The following IL1RAPL1 variants were observed in gnomAD, a reference collection of about 807,000 sequenced individuals.
The protein encoded by IL1RAPL1 is interleukin-1 receptor accessory protein-like 1.
A neutral mutation model predicts 48.4 loss-of-function variants in IL1RAPL1; 3 were observed. The observed-to-expected ratio is 0.06, with a 90% confidence interval of 0.03 to 0.16. The LOEUF (loss-of-function observed/expected upper bound fraction) is 0.16, where lower values mean the gene tolerates loss of function less well. Among genes scored for constraint, IL1RAPL1 ranks in the 10% least tolerant of loss-of-function variants. IL1RAPL1 has a pLI of 1.00. For synonymous variants in IL1RAPL1, 185 were observed against 187.7 expected (o/e 0.99, Z 0.12); for missense variants, 349 against 530.6 (o/e 0.66, Z 3.36).
At chrX:29,831,181 A>G (rs1308716258) in intron 6 of IL1RAPL1, among the ~76,000 whole-genome samples, 1 of 111,803 alleles carries the variant, frequency 8.9e-6, no homozygotes, top group Non-Finnish European at 1.9e-5. Context: ...TGCTTCTGCT[A>G]AGGTATTGTG....
intron 1 of IL1RAPL1, among the ~76,000 whole-genome samples, chrX:28,714,842 C>G (rs1387107861): frequency 8.9e-6 from 1 of 111,754 alleles, no homozygotes; most frequent in African/African-American, 3.3e-5. Flanking sequence ...TGTGCATGGT[C>G]CTTTCCATGG....
rs1420572597 is a variant in IL1RAPL1, at chrX:29,938,966, TTCA to T, written c.1058-2680_1058-2678del. Among the ~76,000 whole-genome samples the T allele has an allele frequency of 2.7e-5, 3 of 112,592 alleles. No individual in the cohort carries two copies. The East Asian group carries it at 8.4e-4, about 31-fold the overall frequency. ...TATCATATGAACATACAATAGTTTGTTCATCATTTCCTGTTAATGGACATTTAA... is the reference window on the plus strand; with the variant it reads ...TATCATATGAACATACAATAGTTTGTTCATTTCCTGTTAATGGACATTTAA... On this transcript the variant is annotated intron_variant, in intron 8 of 10. Transcript: ENST00000378993.
intron 2 of IL1RAPL1, among the ~76,000 whole-genome samples, chrX:29,261,166 A>G (rs952552243): frequency 2.7e-5 from 3 of 109,940 alleles, no homozygotes; most frequent in African/African-American, 9.9e-5. Context: ...TCCAACTTGA[A>G]GTCGACTTTC....
At chrX:29,566,773 C>T (rs1388341841) in intron 5 of IL1RAPL1, among the ~76,000 whole-genome samples, 1 of 111,886 alleles carries the variant, frequency 8.9e-6, no homozygotes, top group Non-Finnish European at 1.9e-5. Context: ...AATATTATTT[C>T]TTTTTTATGT....
At chrX:29,536,004 G>C (rs753408822) in intron 5 of IL1RAPL1, among the ~76,000 whole-genome samples, 1 of 111,897 alleles carries the variant, frequency 8.9e-6, no homozygotes, top group Non-Finnish European at 1.9e-5. Context: ...AGTTGTATAA[G>C]AGCACAACCT....
At chrX:28,985,611 TAAC>T (rs1396713443) in intron 2 of IL1RAPL1, among the ~76,000 whole-genome samples, 1 of 111,997 alleles carries the variant, frequency 8.9e-6, no homozygotes, top group Non-Finnish European at 1.9e-5. Flanking sequence ...GAATACCAAT[TAAC>T]AATTCAGTAT....
intron 5 of IL1RAPL1, among the ~76,000 whole-genome samples, chrX:29,400,011 CTCTTT>C (rs1169739237): frequency 9.0e-6 from 1 of 111,529 alleles, no homozygotes; most frequent in Non-Finnish European, 1.9e-5. Context: ...AGTCGCTTTT[CTCTTT>C]TATTTATTTA....
At chrX:29,835,933 G>T (rs1413690231) in intron 6 of IL1RAPL1, among the ~76,000 whole-genome samples, 11 of 63,665 alleles carry the variant, frequency 1.7e-4, no homozygotes, top group African/African-American at 5.6e-4. Flanking sequence ...TGTTGATTTT[G>T]CTTCTCTTAT....
chrX:28,750,550 T>C (rs1003609188), intron 1 of IL1RAPL1, among the ~76,000 whole-genome samples: 2 of 111,930 alleles, frequency 1.8e-5, no homozygotes, highest in Middle Eastern at 4.2e-3. Flanking sequence ...GTTATATTTA[T>C]ATCATATTTG....
At chrX:29,862,466 C>T (rs113022991) in intron 6 of IL1RAPL1, among the ~76,000 whole-genome samples, 32 of 110,693 alleles carry the variant, frequency 2.9e-4, no homozygotes, top group Non-Finnish European at 4.2e-4. Context: ...ATGCTGAGCT[C>T]GGCAGAAAGT....
At chrX:29,837,108 A>G (rs917828127) in intron 6 of IL1RAPL1, among the ~76,000 whole-genome samples, 2 of 106,518 alleles carry the variant, frequency 1.9e-5, no homozygotes, top group African/African-American at 3.4e-5. Flanking sequence ...AAATACAAAA[A>G]CAAAATTAGC....
intron 5 of IL1RAPL1, among the ~76,000 whole-genome samples, chrX:29,459,274 C>T (rs967079058): frequency 7.2e-5 from 8 of 111,723 alleles, no homozygotes; most frequent in African/African-American, 2.3e-4. Flanking sequence ...CTGAGCATTT[C>T]GTTATGGCAG....
intron 5 of IL1RAPL1, among the ~76,000 whole-genome samples, chrX:29,594,048 G>A (rs762949606): frequency 2.4e-4 from 27 of 112,476 alleles, no homozygotes; most frequent in African/African-American, 8.1e-4. Flanking sequence ...GGCAGCAATC[G>A]TTGTGAACTT....
At chrX:28,955,821 G>T (rs1228580152) in intron 2 of IL1RAPL1, among the ~76,000 whole-genome samples, 4 of 69,841 alleles carry the variant, frequency 5.7e-5, no homozygotes. Flanking sequence ...GTGAAGAAAG[G>T]CATTGGTAGC....
At chrX:29,245,452 T>C (rs754846469) in intron 2 of IL1RAPL1, among the ~76,000 whole-genome samples, 6 of 111,951 alleles carry the variant, frequency 5.4e-5, no homozygotes, top group African/African-American at 1.9e-4. Context: ...TTCCTGACTT[T>C]TTAATGATCA....
At chrX:28,943,281 TAG>T (rs773041389) in intron 2 of IL1RAPL1, among the ~76,000 whole-genome samples, 1 of 109,127 alleles carries the variant, frequency 9.2e-6, no homozygotes, top group South Asian at 3.9e-4. Context: ...GGCAGGGGGA[TAG>T]AGAGACAGAA....
At chrX:29,204,609 T>G (rs1930626502) in intron 2 of IL1RAPL1, among the ~76,000 whole-genome samples, 1 of 112,205 alleles carries the variant, frequency 8.9e-6, no homozygotes, top group Non-Finnish European at 1.9e-5. Flanking sequence ...AGTGATGTTA[T>G]GTATTCATTT....
chrX:29,017,029 T>G (rs1453055607), intron 2 of IL1RAPL1, among the ~76,000 whole-genome samples: 1 of 112,204 alleles, frequency 8.9e-6, no homozygotes. Flanking sequence ...TTACATTTAA[T>G]AGTAAACCAA....
chrX:28,966,074 T>C (rs981266421), intron 2 of IL1RAPL1, among the ~76,000 whole-genome samples: 4 of 111,708 alleles, frequency 3.6e-5, no homozygotes, highest in African/African-American at 1.3e-4. Flanking sequence ...TTCAAACATA[T>C]ATACACATAG....
Sources: allele counts gnomAD v4.1 joint callset (sites outside exome capture counted in the v4.1 genomes callset), GRCh38; gene constraint gnomAD v4.1.1; transcripts MANE v1.5; gene names NCBI Gene and HGNC (gene_info 2026-07-23, HGNC 2026-07-21).